The following SCHIP1 variants were observed in gnomAD, a reference collection of about 807,000 sequenced individuals.
SCHIP1 encodes schwannomin-interacting protein 1.
Under a neutral mutation model 29.7 loss-of-function variants are expected in SCHIP1, and 8 were observed. The observed-to-expected ratio is 0.27, with a 90% confidence interval of 0.16 to 0.49. SCHIP1 has a LOEUF of 0.49. Among genes scored for constraint, SCHIP1 ranks in the 20% least tolerant of loss-of-function variants. SCHIP1 has a pLI of 0.99. For missense variants in SCHIP1, 193 were observed against 294.6 expected (o/e 0.66, Z 2.52); for synonymous variants, 76 against 94.9 (o/e 0.80, Z 1.16).
At chr3:159,883,050 G>A (rs1160600864) in intron 2 of SCHIP1, among the ~76,000 whole-genome samples, 2 of 152,212 alleles carry the variant, frequency 1.3e-5, no homozygotes, top group African/African-American at 2.4e-5. Flanking sequence ...GGGCAGCAGC[G>A]TTGTTTTTAA....
chr3:159,759,582 T>C, the SCHIP1 span, among the ~76,000 whole-genome samples: 1 of 152,196 alleles, frequency 6.6e-6, no homozygotes, highest in Non-Finnish European at 1.5e-5. Context: ...GAATCTGTGG[T>C]CATAAAGTTG....
the SCHIP1 span, among the ~76,000 whole-genome samples, chr3:159,325,993 C>CCA: frequency 6.6e-6 from 1 of 151,994 alleles, no homozygotes; most frequent in East Asian, 1.9e-4. Flanking sequence ...TTGTAATGTG[C>CCA]CACACATTGT....
chr3:159,675,795 A>G, the SCHIP1 span, among the ~76,000 whole-genome samples: 1 of 152,224 alleles, frequency 6.6e-6, no homozygotes, highest in Non-Finnish European at 1.5e-5. Flanking sequence ...TGTCCATGAC[A>G]GAAAACTTGG....
the SCHIP1 span, among the ~76,000 whole-genome samples, chr3:159,577,675 G>A: frequency 6.6e-6 from 1 of 152,130 alleles, no homozygotes; most frequent in Non-Finnish European, 1.5e-5. Flanking sequence ...TCAGTGGGTG[G>A]TAGCACTTTT....
chr3:159,719,507 A>G, the SCHIP1 span, among the ~76,000 whole-genome samples: 1 of 152,240 alleles, frequency 6.6e-6, no homozygotes, highest in Non-Finnish European at 1.5e-5. Flanking sequence ...TAATATCCAG[A>G]ATCTACAAAG....
chr3:159,810,515 C>G, the SCHIP1 span, among the ~76,000 whole-genome samples: 1 of 152,212 alleles, frequency 6.6e-6, no homozygotes, highest in Non-Finnish European at 1.5e-5. Flanking sequence ...GATCCACTGT[C>G]TTTATAAATC....
At chr3:159,736,736 CTT>C in the SCHIP1 span, among the ~76,000 whole-genome samples, 26 of 141,592 alleles carry the variant, frequency 1.8e-4, no homozygotes, top group Admixed American at 2.8e-4. Flanking sequence ...AGCCCATATT[CTT>C]TTTTTTTTTT....
At chr3:159,402,412 C>G in the SCHIP1 span, among the ~76,000 whole-genome samples, 14 of 152,234 alleles carry the variant, frequency 9.2e-5, no homozygotes, top group African/African-American at 3.4e-4. Context: ...ATCATTTGAC[C>G]CAGCCATCCC....
chr3:159,311,284 G>T, the SCHIP1 span, among the ~76,000 whole-genome samples: 1 of 152,068 alleles, frequency 6.6e-6, no homozygotes, highest in Non-Finnish European at 1.5e-5. Flanking sequence ...AATTAATGAT[G>T]CAGAAAATCA....
At chr3:159,601,854 T>A in the SCHIP1 span, among the ~76,000 whole-genome samples, 2 of 152,170 alleles carry the variant, frequency 1.3e-5, no homozygotes, top group Admixed American at 6.5e-5. Flanking sequence ...GACCTCCAAG[T>A]GGTCACTGGG....
the SCHIP1 span, among the ~76,000 whole-genome samples, chr3:159,600,283 T>C: frequency 1.3e-5 from 2 of 152,250 alleles, no homozygotes; most frequent in South Asian, 4.1e-4. Flanking sequence ...TTTCATCTAT[T>C]TCATATTGTC....
the SCHIP1 span, among the ~76,000 whole-genome samples, chr3:159,733,513 G>T: frequency 6.6e-6 from 1 of 152,182 alleles, no homozygotes; most frequent in African/African-American, 2.4e-5. Context: ...AAATTACAGG[G>T]CTTGGGGTCC....
At chr3:159,852,962 C>G (rs1448000776) in intron 1 of SCHIP1, 1 of 158,044 alleles carries the variant, frequency 6.3e-6, no homozygotes, top group Non-Finnish European at 1.4e-5. Flanking sequence ...CCTCACAGAG[C>G]TCCAGTCCAC....
the SCHIP1 span, among the ~76,000 whole-genome samples, chr3:159,678,799 A>T: frequency 2.6e-5 from 4 of 152,348 alleles, no homozygotes; most frequent in East Asian, 7.7e-4. Flanking sequence ...GGTGGAAGGC[A>T]CCTCTTCACA....
the SCHIP1 span, among the ~76,000 whole-genome samples, chr3:159,410,937 G>A: frequency 6.6e-6 from 1 of 152,100 alleles, no homozygotes; most frequent in African/African-American, 2.4e-5. Context: ...GGAGTACTAT[G>A]CAGCCGTGAA....
the SCHIP1 span, among the ~76,000 whole-genome samples, chr3:159,770,451 G>T: frequency 2.6e-5 from 4 of 152,108 alleles, no homozygotes; most frequent in African/African-American, 7.2e-5. Flanking sequence ...TAGAGACGGG[G>T]TGTCACCATG....
the SCHIP1 span, among the ~76,000 whole-genome samples, chr3:159,374,342 T>A: frequency 6.6e-6 from 1 of 152,024 alleles, no homozygotes; most frequent in African/African-American, 2.4e-5. Context: ...AGCAGGGTGA[T>A]GGCAAAGTAC....
At chr3:159,330,436 A>G in the SCHIP1 span, among the ~76,000 whole-genome samples, 1 of 152,210 alleles carries the variant, frequency 6.6e-6, no homozygotes, top group Non-Finnish European at 1.5e-5. Context: ...AAGTCAAATT[A>G]GTATTTTGTT....
the SCHIP1 span, among the ~76,000 whole-genome samples, chr3:159,658,199 C>A: frequency 6.6e-6 from 1 of 152,016 alleles, no homozygotes; most frequent in African/African-American, 2.4e-5. Context: ...TGATGTTCTT[C>A]CCAATTCAAA....
Sources: allele counts gnomAD v4.1 joint callset (sites outside exome capture counted in the v4.1 genomes callset), GRCh38; gene constraint gnomAD v4.1.1; transcripts MANE v1.5; gene names NCBI Gene and HGNC (gene_info 2026-07-23, HGNC 2026-07-21).